SACM1L: variants seen among roughly 807,000 people sequenced by gnomAD.
SACM1L encodes SAC1 like phosphatidylinositide phosphatase.
A neutral mutation model predicts 89.5 loss-of-function variants in SACM1L; 32 were observed. That is an observed-to-expected ratio of 0.36 (90% CI 0.27 to 0.48). The LOEUF (loss-of-function observed/expected upper bound fraction) is 0.48. Ranked by LOEUF, SACM1L falls within the 20% of genes least tolerant of loss-of-function variation. The pLI, the probability that SACM1L is intolerant of heterozygous loss-of-function variation, is 0.99. For synonymous variants in SACM1L, 213 were observed against 232.8 expected (o/e 0.92, Z 0.77); for missense variants, 543 against 708.5 (o/e 0.77, Z 2.65).
At chr3:45,737,994 T>C (rs1192885478) in intron 16 of SACM1L, 150 bp downstream of exon 16, 1 of 666,556 alleles carries the variant, frequency 1.5e-6, no homozygotes, top group African/African-American at 1.8e-5. Context: ...AGTCAGGATT[T>C]CTGGGAAGTG....
intron 1 of SACM1L, among the ~76,000 whole-genome samples, chr3:45,702,282 C>T (rs191012810): frequency 8.5e-5 from 13 of 152,276 alleles, no homozygotes; most frequent in Admixed American, 5.9e-4. Flanking sequence ...ATAGCTTATA[C>T]ACAATTGGTA....
chr3:45,725,262 C>A (rs1049631447), intron 11 of SACM1L, among the ~76,000 whole-genome samples: 1 of 152,110 alleles, frequency 6.6e-6, no homozygotes, highest in Non-Finnish European at 1.5e-5. Context: ...ATTGAATTGA[C>A]AGATTGATCA....
chr3:45,743,421 C>A, intron 19 of SACM1L, 112 bp from the exon 20 acceptor site: 1 of 1,089,356 alleles, frequency 9.2e-7, no homozygotes. Context: ...TTATATTTTT[C>A]CTGTGAATGT....
intron 11 of SACM1L, among the ~76,000 whole-genome samples, chr3:45,725,927 C>T (rs1286027338): frequency 6.6e-6 from 1 of 152,004 alleles, no homozygotes; most frequent in African/African-American, 2.4e-5. Flanking sequence ...TGAATTTTGT[C>T]AAATACTTTT....
chr3:45,735,075 G>C (rs1293015431), intron 13 of SACM1L, 160 bp from the exon 14 acceptor site: 8 of 630,778 alleles, frequency 1.3e-5, no homozygotes, highest in Non-Finnish European at 2.0e-5. Context: ...CTTCTTTTTG[G>C]TCTAGGATAA....
chr3:45,697,818 C>T (rs1472820782), intron 1 of SACM1L, among the ~76,000 whole-genome samples: 2 of 152,170 alleles, frequency 1.3e-5, no homozygotes, highest in Non-Finnish European at 2.9e-5. Context: ...GGAGGCTAAT[C>T]ACCTCACCAG....
intron 16 of SACM1L, 22 bp downstream of exon 16, chr3:45,737,866 G>A (rs1360073057): frequency 1.3e-6 from 2 of 1,594,742 alleles, no homozygotes; most frequent in Non-Finnish European, 1.7e-6. Context: ...TTTTAAAATA[G>A]CATTCCACAT....
chr3:45,732,774 C>T (rs543899122), intron 13 of SACM1L, among the ~76,000 whole-genome samples: 8 of 152,140 alleles, frequency 5.3e-5, no homozygotes, highest in Non-Finnish European at 1.2e-4. Context: ...ATACTCTATG[C>T]GTGCCAGTCT....
At chr3:45,695,287 G>T (rs1698093826) in intron 1 of SACM1L, among the ~76,000 whole-genome samples, 1 of 151,330 alleles carries the variant, frequency 6.6e-6, no homozygotes, top group Non-Finnish European at 1.5e-5. Context: ...TTGAGATGGG[G>T]TCTCACTCTG....
At chr3:45,690,644 C>G (rs959904884) in intron 1 of SACM1L, among the ~76,000 whole-genome samples, 2 of 152,196 alleles carry the variant, frequency 1.3e-5, no homozygotes, top group African/African-American at 4.8e-5. Flanking sequence ...ATTGCTTTTT[C>G]TACAGTGCAC....
chr3:45,699,749 T>C (rs1172843803), intron 1 of SACM1L, among the ~76,000 whole-genome samples: 1 of 152,172 alleles, frequency 6.6e-6, no homozygotes, highest in Non-Finnish European at 1.5e-5. Flanking sequence ...CTCAAACTTC[T>C]CACCTCAAAC....
At chr3:45,718,406 G>A (rs941158494) in intron 7 of SACM1L, among the ~76,000 whole-genome samples, 14 of 152,140 alleles carry the variant, frequency 9.2e-5, no homozygotes, top group African/African-American at 3.4e-4. Flanking sequence ...CTTCTTAGAG[G>A]GCAGTAAGGG....
chr3:45,736,029 G>C (rs1360354534), intron 14 of SACM1L, among the ~76,000 whole-genome samples: 2 of 152,050 alleles, frequency 1.3e-5, no homozygotes, highest in South Asian at 2.1e-4. Context: ...ACCACACCTG[G>C]CTAATTTTTG....
chr3:45,701,158 T>C (rs1354816272), intron 1 of SACM1L, among the ~76,000 whole-genome samples: 1 of 152,232 alleles, frequency 6.6e-6, no homozygotes, highest in African/African-American at 2.4e-5. Flanking sequence ...TTAATTTTTT[T>C]TTTTTACTAA....
chr3:45,735,037 G>A (rs1699169304), intron 13 of SACM1L, 198 bp from the exon 14 acceptor site: 1 of 434,806 alleles, frequency 2.3e-6, no homozygotes, highest in African/African-American at 2.0e-5. Flanking sequence ...TTTTTGGATG[G>A]AGGGCTGTCT....
intron 7 of SACM1L, among the ~76,000 whole-genome samples, chr3:45,717,903 A>G (rs1698698390): frequency 6.6e-6 from 1 of 152,228 alleles, no homozygotes; most frequent in Admixed American, 6.5e-5. Context: ...TTAGCAAAGC[A>G]AGAGCCTCTC....
intron 4 of SACM1L, 55 bp downstream of exon 4, chr3:45,706,962 G>C: frequency 6.4e-7 from 1 of 1,553,412 alleles, no homozygotes; most frequent in Non-Finnish European, 8.9e-7. Flanking sequence ...GCATGGGCTG[G>C]GGAGAGGAGG....
rs1163645085 is a variant in SACM1L, at chr3:45,706,892, C to T, written c.318C>T (p.His106=). 6.2e-7 allele frequency: 1 copy of T among 1,613,180 alleles called. No homozygotes were observed. Among genetic ancestry groups the T allele is most frequent in the South Asian group, 1.1e-5 (1 of 90,980 alleles). ...TTTCTTATAAGAAGACAATGTTGCACTTAACTGATATTCAGGTAAGAACTG... is the reference window on the plus strand; with the variant it reads ...TTTCTTATAAGAAGACAATGTTGCATTTAACTGATATTCAGGTAAGAACTG... ...DVLSYKKTML[H]LTDIQLQDNK... Residue 106 remains histidine, a synonymous_variant, in exon 4 of 20, where the codon CAC becomes CAT. Coordinates refer to ENST00000389061, the MANE Select transcript of SACM1L (RefSeq NM_014016.5).
At chr3:45,726,558 C>A (rs1054426089) in intron 11 of SACM1L, among the ~76,000 whole-genome samples, 4 of 152,014 alleles carry the variant, frequency 2.6e-5, no homozygotes, top group Non-Finnish European at 5.9e-5. Context: ...CTAGTAATGT[C>A]CACTGTCACT....
Sources: allele counts gnomAD v4.1 joint callset (sites outside exome capture counted in the v4.1 genomes callset), GRCh38; gene constraint gnomAD v4.1.1; transcripts MANE v1.5; gene names NCBI Gene and HGNC (gene_info 2026-07-23, HGNC 2026-07-21).